The following ALK variants were observed in gnomAD, a reference collection of about 807,000 sequenced individuals.
ALK encodes ALK receptor tyrosine kinase.
In ALK, 74 loss-of-function variants were observed where a neutral mutation model predicts 163.1. The ratio of observed to expected loss-of-function variants is 0.45; its 90% CI spans 0.38 to 0.55. The LOEUF (loss-of-function observed/expected upper bound fraction) is 0.55, where lower values mean the gene tolerates loss of function less well. Among genes scored for constraint, ALK ranks in the 20% least tolerant of loss-of-function variants. ALK has a pLI of 0.00. For synonymous variants in ALK, 960 were observed against 843.2 expected (o/e 1.14, Z -2.40); for missense variants, 2,063 against 2,105.3 (o/e 0.98, Z 0.39).
At chr2:29,627,504 T>C (rs537873037) in intron 3 of ALK, among the ~76,000 whole-genome samples, 2 of 151,762 alleles carry the variant, frequency 1.3e-5, no homozygotes, top group South Asian at 2.1e-4. Context: ...GGCCAGGGAA[T>C]TGAGAAGCAT....
intron 4 of ALK, among the ~76,000 whole-genome samples, chr2:29,403,630 C>T (rs1289106761): frequency 2.2e-5 from 3 of 137,796 alleles, no homozygotes; most frequent in Non-Finnish European, 4.5e-5. Context: ...AATCCCAGCA[C>T]TTTGGGAGGC....
chr2:29,902,084 T>C (rs557422955), intron 1 of ALK, among the ~76,000 whole-genome samples: 9 of 152,326 alleles, frequency 5.9e-5, no homozygotes, highest in Admixed American at 5.9e-4. Flanking sequence ...TCTGTGCTGA[T>C]GACTCCCAAA....
intron 1 of ALK, among the ~76,000 whole-genome samples, chr2:29,916,856 C>A (rs12104448): frequency 0.042 from 6,398 of 152,262 alleles, 257 homozygotes; most frequent in East Asian, 0.16. Flanking sequence ...GACATCTTTT[C>A]TATGATTTGG....
At chr2:29,389,146 T>G (rs1268511468) in intron 4 of ALK, among the ~76,000 whole-genome samples, 1 of 152,238 alleles carries the variant, frequency 6.6e-6, no homozygotes, top group South Asian at 2.1e-4. Flanking sequence ...GCTCTAGGGA[T>G]GCGAAGTGTT....
At chr2:29,554,790 C>A (rs375996124) in intron 3 of ALK, among the ~76,000 whole-genome samples, 2 of 152,082 alleles carry the variant, frequency 1.3e-5, no homozygotes, top group East Asian at 3.9e-4. Flanking sequence ...GAGGTCAGTA[C>A]AAGATACAGG....
At chr2:29,837,514 C>G (rs1448680563) in intron 1 of ALK, among the ~76,000 whole-genome samples, 2 of 152,176 alleles carry the variant, frequency 1.3e-5, no homozygotes, top group African/African-American at 4.8e-5. Context: ...GCTCCCATAA[C>G]TGCAAGATAC....
chr2:29,607,104 TC>T (rs1340021022), intron 3 of ALK, among the ~76,000 whole-genome samples: 1 of 152,232 alleles, frequency 6.6e-6, no homozygotes, highest in Non-Finnish European at 1.5e-5. Context: ...GAATTGATTT[TC>T]TATTGTTTTT....
intron 9 of ALK, chr2:29,286,331 A>G (rs1456199438): frequency 1.3e-5 from 2 of 152,178 alleles, no homozygotes; most frequent in Admixed American, 6.5e-5. Flanking sequence ...AGCCAATGAC[A>G]TTTCTCCAGT....
At chr2:29,751,150 T>C (rs1275332633) in intron 1 of ALK, among the ~76,000 whole-genome samples, 2 of 152,076 alleles carry the variant, frequency 1.3e-5, no homozygotes, top group Non-Finnish European at 2.9e-5. Context: ...ATGGTACACC[T>C]GTATAGGGCA....
chr2:29,636,762 A>G (rs539950887), intron 3 of ALK, among the ~76,000 whole-genome samples: 1 of 152,364 alleles, frequency 6.6e-6, no homozygotes, highest in Non-Finnish European at 1.5e-5. Flanking sequence ...AAAAATATTC[A>G]AATTAGAAAA....
chr2:29,672,761 C>T (rs1677745653), intron 3 of ALK, among the ~76,000 whole-genome samples: 1 of 151,294 alleles, frequency 6.6e-6, no homozygotes, highest in South Asian at 2.1e-4. Context: ...CACTGACTTC[C>T]ACAAGGGTTG....
chr2:29,447,741 G>A (rs769847428), intron 4 of ALK, among the ~76,000 whole-genome samples: 2 of 152,182 alleles, frequency 1.3e-5, no homozygotes, highest in African/African-American at 2.4e-5. Context: ...GGCCCTCCAG[G>A]TAGCTCCTGG....
At chr2:29,663,480 T>C (rs565963383) in intron 3 of ALK, among the ~76,000 whole-genome samples, 32 of 152,244 alleles carry the variant, frequency 2.1e-4, no homozygotes, top group African/African-American at 7.5e-4. Flanking sequence ...TCACCAACTT[T>C]TACCCAAGAA....
At chr2:29,805,128 C>T (rs2148367527) in intron 1 of ALK, among the ~76,000 whole-genome samples, 1 of 152,296 alleles carries the variant, frequency 6.6e-6, no homozygotes, top group East Asian at 1.9e-4. Context: ...TGAAACAACT[C>T]ATCACCTATT....
chr2:29,298,605 A>G (rs1666271482), intron 8 of ALK, among the ~76,000 whole-genome samples: 1 of 152,214 alleles, frequency 6.6e-6, no homozygotes, highest in Non-Finnish European at 1.5e-5. Flanking sequence ...CACACATAGT[A>G]CAATGGGTGT....
intron 9 of ALK, among the ~76,000 whole-genome samples, chr2:29,283,302 G>A (rs1360972799): frequency 2.0e-5 from 3 of 152,126 alleles, no homozygotes; most frequent in East Asian, 1.9e-4. Flanking sequence ...CCGTACCATC[G>A]GAAAAGTAGA....
intron 4 of ALK, among the ~76,000 whole-genome samples, chr2:29,505,691 C>T (rs938270345): frequency 6.6e-6 from 1 of 151,678 alleles, no homozygotes; most frequent in East Asian, 1.9e-4. Context: ...GGGTGCAGGG[C>T]AGCCCAGGGC....
intron 1 of ALK, among the ~76,000 whole-genome samples, chr2:29,872,167 G>A (rs1310947933): frequency 2.0e-5 from 3 of 152,230 alleles, no homozygotes; most frequent in Non-Finnish European, 2.9e-5. Flanking sequence ...CAATGACAGG[G>A]AGTTGACTGA....
rs187562998 is a variant in ALK, at chr2:29,282,765, A to G, written c.1818-7269T>C. Among the ~76,000 whole-genome samples the G allele has an allele frequency of 3.5e-4, 53 of 152,298 alleles. 1 individual carries two copies. The highest frequency in any genetic ancestry group is 1.9e-4 in the Non-Finnish European group (13 of 68,026). On this transcript the variant is annotated intron_variant, in intron 9 of 28. Transcript: ENST00000389048. ...AGAAAATGAATTTTCAGCCAGGCTG[A>G]GCAAGCATGGAGAATCACTCAGACC...
Sources: gnomAD v4.1 joint callset for allele counts (sites outside exome capture counted in the v4.1 genomes callset) on GRCh38, gnomAD v4.1.1 for gene constraint, MANE v1.5 for transcripts, NCBI Gene and HGNC (gene_info 2026-07-23, HGNC 2026-07-21) for gene names.